CAMK1D: variants seen among roughly 807,000 people sequenced by gnomAD.
CAMK1D encodes the protein calcium/calmodulin dependent protein kinase ID.
In CAMK1D, 9 loss-of-function variants were observed where a neutral mutation model predicts 47.7. The observed-to-expected ratio is 0.19, with a 90% confidence interval of 0.11 to 0.33. The LOEUF (loss-of-function observed/expected upper bound fraction) is 0.33, where lower values mean the gene tolerates loss of function less well. Ranked by LOEUF, CAMK1D falls within the 10% of genes least tolerant of loss-of-function variation. The pLI is 1.00. For synonymous variants in CAMK1D, 184 were observed against 184.9 expected (o/e 0.99, Z 0.04); for missense variants, 291 against 488.7 (o/e 0.60, Z 3.81).
At chr10:12,503,678 C>G (rs1834776067) in intron 1 of CAMK1D, among the ~76,000 whole-genome samples, 1 of 152,168 alleles carries the variant, frequency 6.6e-6, no homozygotes, top group Non-Finnish European at 1.5e-5. Context: ...GGATGACTGG[C>G]TTGGGGGTTT....
At chr10:12,415,943 T>C (rs1839833333) in intron 1 of CAMK1D, 1 of 152,050 alleles carries the variant, frequency 6.6e-6, no homozygotes, top group Non-Finnish European at 1.5e-5. Context: ...GTTTGGCATA[T>C]GTTCTGAATC....
chr10:12,813,832 C>T (rs1832699016), intron 6 of CAMK1D, among the ~76,000 whole-genome samples: 1 of 151,994 alleles, frequency 6.6e-6, no homozygotes, highest in African/African-American at 2.4e-5. Context: ...GCGATCTTGG[C>T]TCACTGGAAC....
At chr10:12,642,589 T>C (rs1163618943) in intron 2 of CAMK1D, among the ~76,000 whole-genome samples, 1 of 152,372 alleles carries the variant, frequency 6.6e-6, no homozygotes, top group African/African-American at 2.4e-5. Flanking sequence ...GAAGACCTGC[T>C]TATGAAGTTT....
At chr10:12,554,197 G>A (rs986504074) in intron 2 of CAMK1D, among the ~76,000 whole-genome samples, 1 of 137,870 alleles carries the variant, frequency 7.3e-6, no homozygotes, top group Non-Finnish European at 1.6e-5. Flanking sequence ...TCGCTCTGTT[G>A]CCCAGGCTGG....
intron 2 of CAMK1D, among the ~76,000 whole-genome samples, chr10:12,643,290 C>T (rs1839717727): frequency 1.3e-5 from 2 of 152,176 alleles, no homozygotes; most frequent in South Asian, 2.1e-4. Flanking sequence ...CGTGAGCCAT[C>T]GTGCCCGGCC....
intron 2 of CAMK1D, among the ~76,000 whole-genome samples, chr10:12,663,745 G>A (rs1323203250): frequency 1.3e-5 from 2 of 152,126 alleles, no homozygotes; most frequent in Non-Finnish European, 2.9e-5. Context: ...CCTGGAATAG[G>A]CCTTCATTTG....
At chr10:12,385,050 T>C (rs992395560) in intron 1 of CAMK1D, among the ~76,000 whole-genome samples, 8 of 152,146 alleles carry the variant, frequency 5.3e-5, no homozygotes, top group Non-Finnish European at 1.0e-4. Context: ...AAACCACAAT[T>C]AGATGTCACT....
At chr10:12,352,356 T>G (rs1237871388) in intron 1 of CAMK1D, among the ~76,000 whole-genome samples, 1 of 152,132 alleles carries the variant, frequency 6.6e-6, no homozygotes, top group Non-Finnish European at 1.5e-5. Context: ...ACACCTGTAA[T>G]CCCAACACTT....
intron 1 of CAMK1D, among the ~76,000 whole-genome samples, chr10:12,468,306 C>T (rs900769367): frequency 2.6e-5 from 4 of 152,218 alleles, no homozygotes; most frequent in Non-Finnish European, 2.9e-5. Context: ...AAGCAATCTG[C>T]GTGCCTTACC....
chr10:12,393,975 G>C (rs1405799909), intron 1 of CAMK1D, among the ~76,000 whole-genome samples: 1 of 152,148 alleles, frequency 6.6e-6, no homozygotes, highest in Non-Finnish European at 1.5e-5. Flanking sequence ...GACCCCCCAG[G>C]TTGAGGGCAG....
chr10:12,757,647 T>C (rs575160461), intron 3 of CAMK1D, among the ~76,000 whole-genome samples: 3 of 152,232 alleles, frequency 2.0e-5, no homozygotes, highest in Non-Finnish European at 2.9e-5. Context: ...ACCATATAGA[T>C]TGGGTTAAAC....
intron 1 of CAMK1D, among the ~76,000 whole-genome samples, chr10:12,363,138 A>C (rs1197009270): frequency 2.2e-5 from 3 of 139,484 alleles, no homozygotes; most frequent in Non-Finnish European, 3.1e-5. Context: ...ACAGGGTTTC[A>C]CCATATTGGT....
chr10:12,614,831 A>G (rs990464711), intron 2 of CAMK1D, among the ~76,000 whole-genome samples: 4 of 152,258 alleles, frequency 2.6e-5, no homozygotes, highest in Admixed American at 2.6e-4. Flanking sequence ...ATATCCTCTG[A>G]TTCTTTGAGT....
chr10:12,371,571 C>T (rs1838007476), intron 1 of CAMK1D, among the ~76,000 whole-genome samples: 1 of 145,038 alleles, frequency 6.9e-6, no homozygotes, highest in African/African-American at 2.5e-5. Context: ...GCGAGACTGT[C>T]CCGAAAAAAA....
At chr10:12,715,293 A>G (rs2130766584) in intron 3 of CAMK1D, among the ~76,000 whole-genome samples, 1 of 152,236 alleles carries the variant, frequency 6.6e-6, no homozygotes, top group East Asian at 1.9e-4. Flanking sequence ...TGAGCACCCA[A>G]TTGGTCACTT....
At chr10:12,724,398 G>A (rs558782674) in intron 3 of CAMK1D, among the ~76,000 whole-genome samples, 14 of 152,324 alleles carry the variant, frequency 9.2e-5, no homozygotes, top group African/African-American at 2.9e-4. Flanking sequence ...GGGGCTTTCC[G>A]AGTCCTTGAG....
In CAMK1D at chr10:12,349,758, G is replaced by A. The variant is rs575920236; in HGVS notation, c.-61G>A. ...CCCGCCGCCTCTGCGCCCGCGCCGC[G>A]CCCCCGGCGCCCCCTCCCCAGCGCG... On this transcript the variant is annotated 5_prime_UTR_variant, in exon 1 of 11. Coordinates refer to ENST00000619168, the MANE Select transcript of CAMK1D (RefSeq NM_153498.4). 3.4e-3 allele frequency: 2,384 copies of A among 711,626 alleles called. 9 individuals carry two copies. The highest frequency in any genetic ancestry group is 3.9e-3 in the Non-Finnish European group (2,203 of 559,268). The allele number at this position is 711,626 out of a possible 1,614,324, so 44.1% of individuals were successfully genotyped here. A position where few individuals can be genotyped will look rare whatever the true frequency, so the allele number is the denominator to read the frequency against.
intron 2 of CAMK1D, among the ~76,000 whole-genome samples, chr10:12,586,430 C>T (rs1302832670): frequency 9.0e-6 from 1 of 111,066 alleles, no homozygotes; most frequent in Non-Finnish European, 1.7e-5. Context: ...GCCTGGGCGA[C>T]AGAGCAAGAC....
chr10:12,441,611 G>A (rs912946272), intron 1 of CAMK1D, among the ~76,000 whole-genome samples: 4 of 150,856 alleles, frequency 2.7e-5, no homozygotes, highest in Non-Finnish European at 2.9e-5. Context: ...CCAGGAGTTC[G>A]AGACCAGCCT....
Sources: allele counts gnomAD v4.1 joint callset (sites outside exome capture counted in the v4.1 genomes callset), GRCh38; gene constraint gnomAD v4.1.1; transcripts MANE v1.5; gene names NCBI Gene and HGNC (gene_info 2026-07-23, HGNC 2026-07-21).